NFYC: variants seen among roughly 807,000 people sequenced by gnomAD.
NFYC encodes nuclear transcription factor Y subunit gamma.
Under a neutral mutation model 53.1 loss-of-function variants are expected in NFYC, and 25 were observed. That is an observed-to-expected ratio of 0.47 (90% CI 0.34 to 0.66). NFYC has a LOEUF of 0.66. Among genes scored for constraint, NFYC ranks in the 30% least tolerant of loss-of-function variants. The pLI is 0.01. For missense variants in NFYC, 260 were observed against 422.7 expected, an observed-to-expected ratio of 0.62 and a Z score of 3.38; for synonymous variants, 145 against 152.6, an observed-to-expected ratio of 0.95 and a Z score of 0.37.
chr1:40,708,856 G>A (rs1203376605), intron 1 of NFYC, among the ~76,000 whole-genome samples: 1 of 152,118 alleles, frequency 6.6e-6, no homozygotes, highest in Non-Finnish European at 1.5e-5. Context: ...ACAACTTTCC[G>A]ACCTTGTGCA....
intron 1 of NFYC, among the ~76,000 whole-genome samples, chr1:40,719,029 G>A (rs1396638305): frequency 1.3e-5 from 2 of 152,030 alleles, no homozygotes; most frequent in Non-Finnish European, 2.9e-5. Flanking sequence ...GCGCCACCAC[G>A]CCCAGCTAAT....
chr1:40,741,289 AAT>A (rs1225915884), intron 2 of NFYC, among the ~76,000 whole-genome samples: 1 of 152,216 alleles, frequency 6.6e-6, no homozygotes, highest in East Asian at 1.9e-4. Flanking sequence ...TCTAGTATTC[AAT>A]AAATTATGAG....
intron 5 of NFYC, chr1:40,757,198 C>T (rs575777966): frequency 4.1e-5 from 11 of 267,098 alleles, no homozygotes; most frequent in African/African-American, 2.2e-4. Context: ...GGCAGGGGCA[C>T]CATGTGTCAC....
chr1:40,743,311 TGATTGTGCACCAGAGTGATTGTGTA>T (rs1199576599), intron 2 of NFYC, among the ~76,000 whole-genome samples: 1 of 152,244 alleles, frequency 6.6e-6, no homozygotes, highest in Non-Finnish European at 1.5e-5. Flanking sequence ...CATATCAAGA[TGATTGTGCACCAGAGTGATTGTGTA>T]AAACCCTATA....
intron 1 of NFYC, among the ~76,000 whole-genome samples, chr1:40,694,095 T>TA (rs1642993890): frequency 6.6e-6 from 1 of 152,234 alleles, no homozygotes; most frequent in Non-Finnish European, 1.5e-5. Flanking sequence ...ATATTGCAGA[T>TA]AGTCTTTCTG....
At chr1:40,745,344 GC>G (rs1645556158) in intron 2 of NFYC, among the ~76,000 whole-genome samples, 1 of 152,152 alleles carries the variant, frequency 6.6e-6, no homozygotes, top group Non-Finnish European at 1.5e-5. Context: ...GTATGTATTA[GC>G]CTGGGAGGTT....
At chr1:40,746,457 G>GT (rs1240656984) in intron 2 of NFYC, among the ~76,000 whole-genome samples, 1 of 152,158 alleles carries the variant, frequency 6.6e-6, no homozygotes, top group Non-Finnish European at 1.5e-5. Context: ...GCAAAAGAAA[G>GT]TTCACTTATG....
rs149324816 is a variant in NFYC, at chr1:40,696,251, C to T, written c.-9+4384C>T. Reference sequence around the variant, plus strand: ...TGTTGGCCAGGCTGGTCTCAAACTCCTGACCTCGTGATCCGCCCTCTTCGG... The same window carrying T: ...TGTTGGCCAGGCTGGTCTCAAACTCTTGACCTCGTGATCCGCCCTCTTCGG... On this transcript the variant is annotated intron_variant, in intron 1 of 9. Transcript: ENST00000447388. Among the ~76,000 whole-genome samples the T allele has an allele frequency of 2.1e-3, 325 of 152,192 alleles. 1 individual carries two copies. The highest frequency in any genetic ancestry group is 7.6e-3 in the African/African-American group (316 of 41,466).
At chr1:40,735,508 T>C (rs1644982201) in intron 1 of NFYC, 2 of 818,128 alleles carry the variant, frequency 2.4e-6, no homozygotes, top group Non-Finnish European at 2.9e-6. Context: ...CAGATGGTTC[T>C]AGACGTGCTT....
rs770567647 is a variant in NFYC at position 40,766,693 on chromosome 1, A to G, written c.818A>G (p.Asn273Ser). Residue 273 changes from asparagine (N) to serine (S), a missense_variant, in exon 8 of 10, where the codon AAT becomes AGT. Transcript: ENST00000447388. The stretch of plus-strand genomic sequence containing the variant: ...GGACAGATCCAGACACTTGCCACCA[A>G]TGCTCAACAGGTATGTGCCCCAGAG... ...VQGQIQTLAT[N>S]AQQITQTEVQ... The G allele has an allele frequency of 7.4e-6, 12 of 1,613,988 alleles. No individual in the cohort carries two copies. Among genetic ancestry groups the G allele is most frequent in the African/African-American group, 1.3e-5 (1 of 75,026 alleles).
intron 6 of NFYC, among the ~76,000 whole-genome samples, chr1:40,759,118 T>A (rs930066760): frequency 5.9e-5 from 9 of 151,886 alleles, no homozygotes; most frequent in African/African-American, 1.7e-4. Flanking sequence ...ATGCCTGTAA[T>A]CCCAACACTT....
intron 1 of NFYC, chr1:40,735,874 C>A: frequency 2.4e-6 from 1 of 416,686 alleles, no homozygotes; most frequent in Non-Finnish European, 3.2e-6. Flanking sequence ...TTGTAGAAAA[C>A]TATTAATAAT....
At chr1:40,757,007 T>C (rs1270949448) in intron 5 of NFYC, among the ~76,000 whole-genome samples, 2 of 152,262 alleles carry the variant, frequency 1.3e-5, no homozygotes, top group African/African-American at 2.4e-5. Context: ...ACCAGCTTTG[T>C]AAATGTTACT....
intron 1 of NFYC, among the ~76,000 whole-genome samples, chr1:40,727,396 G>T (rs1244224281): frequency 6.6e-6 from 1 of 151,754 alleles, no homozygotes; most frequent in Admixed American, 6.6e-5. Flanking sequence ...GCTAATTTTT[G>T]TATTTTTTGT....
At chr1:40,756,873 G>A (rs1220765271) in intron 5 of NFYC, among the ~76,000 whole-genome samples, 1 of 152,234 alleles carries the variant, frequency 6.6e-6, no homozygotes, top group African/African-American at 2.4e-5. Flanking sequence ...TGCCCTCATG[G>A]TGCTTAACAT....
chr1:40,736,865 G>A (rs976294392), intron 1 of NFYC, among the ~76,000 whole-genome samples: 2 of 138,042 alleles, frequency 1.4e-5, no homozygotes, highest in East Asian at 4.5e-4. Flanking sequence ...GGTGGCTCAC[G>A]CCTGTAATCC....
intron 1 of NFYC, among the ~76,000 whole-genome samples, chr1:40,738,393 T>C (rs1195441545): frequency 1.3e-5 from 2 of 152,220 alleles, no homozygotes; most frequent in Non-Finnish European, 2.9e-5. Context: ...CTGGGGACTT[T>C]TAATATAAGA....
At chr1:40,692,846 T>A (rs1271591287) in intron 1 of NFYC, among the ~76,000 whole-genome samples, 1 of 152,150 alleles carries the variant, frequency 6.6e-6, no homozygotes, top group Non-Finnish European at 1.5e-5. Flanking sequence ...TAGGGGACAT[T>A]TTCGGACTTG....
intron 2 of NFYC, among the ~76,000 whole-genome samples, chr1:40,746,506 T>G (rs184699441): frequency 5.3e-5 from 8 of 152,222 alleles, no homozygotes; most frequent in African/African-American, 1.9e-4. Context: ...TATATGCTCC[T>G]TCCATAATGT....
Sources: gnomAD v4.1 joint callset for allele counts (sites outside exome capture counted in the v4.1 genomes callset) on GRCh38, gnomAD v4.1.1 for gene constraint, MANE v1.5 for transcripts, NCBI Gene and HGNC (gene_info 2026-07-23, HGNC 2026-07-21) for gene names.